The following SMURF2 variants were observed in gnomAD, a reference collection of about 807,000 sequenced individuals.
The protein encoded by SMURF2 is E3 ubiquitin-protein ligase SMURF2.
SMURF2 carries 48 observed loss-of-function variants against 109.6 expected under a neutral mutation model. That is an observed-to-expected ratio of 0.44 (90% CI 0.35 to 0.56). The LOEUF (loss-of-function observed/expected upper bound fraction) is 0.56, where lower values mean the gene tolerates loss of function less well. Among genes scored for constraint, SMURF2 ranks in the 20% least tolerant of loss-of-function variants. The pLI, the probability that SMURF2 is intolerant of heterozygous loss-of-function variation, is 0.01. For missense variants in SMURF2, 575 were observed against 909.0 expected (o/e 0.63, Z 4.72); for synonymous variants, 288 against 317.1 (o/e 0.91, Z 0.97).
chr17:64,574,847 T>C (rs1234795988), intron 9 of SMURF2, among the ~76,000 whole-genome samples: 1 of 152,218 alleles, frequency 6.6e-6, no homozygotes, highest in Non-Finnish European at 1.5e-5. Flanking sequence ...TCTGTCTCAA[T>C]TTCAATTTCT....
intron 5 of SMURF2, among the ~76,000 whole-genome samples, chr17:64,588,442 T>G (rs1969699195): frequency 6.6e-6 from 1 of 152,058 alleles, no homozygotes. Flanking sequence ...ATCTATATAC[T>G]TCATCCTTTA....
At chr17:64,608,009 A>ATAAAT (rs1555689213) in intron 1 of SMURF2, among the ~76,000 whole-genome samples, 1 of 146,096 alleles carries the variant, frequency 6.8e-6, no homozygotes, top group Non-Finnish European at 1.5e-5. Context: ...AAATAAATAA[A>ATAAAT]TAAATAAATA....
At chr17:64,629,835 A>T (rs1305981069) in intron 1 of SMURF2, among the ~76,000 whole-genome samples, 1 of 152,242 alleles carries the variant, frequency 6.6e-6, no homozygotes, top group African/African-American at 2.4e-5. Context: ...TAAACAACTC[A>T]TTCAAAGTCT....
intron 16 of SMURF2, among the ~76,000 whole-genome samples, chr17:64,548,584 C>T (rs750090692): frequency 6.6e-6 from 1 of 152,012 alleles, no homozygotes; most frequent in African/African-American, 2.4e-5. Flanking sequence ...GATGAGATTC[C>T]GCCATGTTGG....
intron 10 of SMURF2, among the ~76,000 whole-genome samples, chr17:64,566,567 T>TTTTTG (rs1969309950): frequency 1.3e-5 from 1 of 76,876 alleles, no homozygotes; most frequent in Non-Finnish European, 2.9e-5. Flanking sequence ...TCTGGTTTTT[T>TTTTTG]TTTTTTTTTT....
intron 9 of SMURF2, among the ~76,000 whole-genome samples, chr17:64,574,094 T>C (rs1403195383): frequency 6.6e-6 from 1 of 151,556 alleles, no homozygotes; most frequent in African/African-American, 2.4e-5. Flanking sequence ...AGTTTACCTA[T>C]AACAAACCTG....
chr17:64,562,673 C>T (rs1393824213), intron 11 of SMURF2, 98 bp downstream of exon 11: 38 of 1,246,500 alleles, frequency 3.0e-5, no homozygotes, highest in African/African-American at 1.1e-4. Context: ...CCACCGCACC[C>T]GGCCAATTTC....
chr17:64,615,612 C>T (rs782368969), intron 1 of SMURF2, among the ~76,000 whole-genome samples: 11 of 152,156 alleles, frequency 7.2e-5, no homozygotes, highest in Non-Finnish European at 1.5e-4. Flanking sequence ...AACTTCTACA[C>T]AATTTTTTAT....
intron 1 of SMURF2, among the ~76,000 whole-genome samples, chr17:64,632,211 G>A (rs1039021937): frequency 1.3e-5 from 2 of 151,936 alleles, no homozygotes; most frequent in Admixed American, 6.6e-5. Flanking sequence ...TGCCCACCTC[G>A]ACCTCCCAAA....
chr17:64,555,643 TAAGG>T (rs1969108168), intron 14 of SMURF2, among the ~76,000 whole-genome samples, 173 bp downstream of exon 14: 1 of 152,204 alleles, frequency 6.6e-6, no homozygotes, highest in African/African-American at 2.4e-5. Flanking sequence ...TTGCTAAGTT[TAAGG>T]AATTTGAAAT....
At chr17:64,635,709 T>C (rs899109227) in intron 1 of SMURF2, among the ~76,000 whole-genome samples, 13 of 152,236 alleles carry the variant, frequency 8.5e-5, no homozygotes, top group African/African-American at 3.1e-4. Flanking sequence ...ATGCCATATT[T>C]TGTTTATCCA....
At chr17:64,576,160 G>A (rs1555686039) in intron 9 of SMURF2, among the ~76,000 whole-genome samples, 2 of 151,976 alleles carry the variant, frequency 1.3e-5, no homozygotes, top group Non-Finnish European at 2.9e-5. Context: ...AGCCAGGACT[G>A]CACTGCTGCT....
chr17:64,586,129 C>T lies in SMURF2; in HGVS notation c.442G>A (p.Val148Ile). Residue 148 changes from valine (V) to isoleucine (I), a missense_variant, in exon 6 of 19, where the codon GTT becomes ATT. Around this residue, in one of 5 missense-constraint regions of SMURF2, gnomAD observed 151 missense variants for 178.4 expected, o/e 0.85. Transcript: ENST00000262435. ...SRDRIGTGGQ[V>I]VDCSRLFDND... ...TCAAATAAACGACTGCAGTCCACAA[C>T]TTGTCCTCCTGTGCCTATTCGGTCT... 6.2e-7 allele frequency: 1 copy of T among 1,610,782 alleles called. No individual in the cohort carries two copies. Among genetic ancestry groups the T allele is most frequent in the Non-Finnish European group, 8.5e-7 (1 of 1,178,944 alleles).
chr17:64,622,776 T>C (rs1173639244), intron 1 of SMURF2, among the ~76,000 whole-genome samples: 2 of 152,204 alleles, frequency 1.3e-5, no homozygotes. Context: ...TCCCCCTTTC[T>C]ATACTGTACT....
At position 64,606,630 on chromosome 17, in the gene SMURF2, T is replaced by C. The variant is rs1555689077; in HGVS notation, c.63A>G (p.Ala21=). The C allele has an allele frequency of 1.3e-6, 2 of 1,549,382 alleles. No individual in the cohort carries two copies. The highest frequency in any genetic ancestry group is 2.3e-5 in the East Asian group (1 of 44,138). ...PVKLRLTVLC[A]KNLVKKDFFR... ...AAAAATCCTTTTTCACCAGGTTTTTTGCACAGAGTACTGTAAAAAAAAAAA... is the reference window on the plus strand; with the variant it reads ...AAAAATCCTTTTTCACCAGGTTTTTCGCACAGAGTACTGTAAAAAAAAAAA... Residue 21 remains alanine (A), a synonymous_variant, in exon 2 of 19, where the codon GCA becomes GCG. Transcript: ENST00000262435.
intron 5 of SMURF2, among the ~76,000 whole-genome samples, chr17:64,587,623 G>A (rs1270380613): frequency 1.3e-5 from 2 of 152,094 alleles, no homozygotes; most frequent in Non-Finnish European, 2.9e-5. Flanking sequence ...ATTCAAAGAA[G>A]GGTCTCAAAA....
chr17:64,556,346 A>G (rs1969119930), intron 13 of SMURF2, among the ~76,000 whole-genome samples: 1 of 152,124 alleles, frequency 6.6e-6, no homozygotes. Flanking sequence ...TCATGAAAAA[A>G]AATCTTTCAA....
At chr17:64,649,078 C>T (rs74788723) in intron 1 of SMURF2, among the ~76,000 whole-genome samples, 7,648 of 152,226 alleles carry the variant, frequency 0.05, 320 homozygotes, top group Admixed American at 0.14. Flanking sequence ...AACAGAATTA[C>T]TAATGTTTGC....
At chr17:64,599,728 T>C (rs191051553) in intron 2 of SMURF2, among the ~76,000 whole-genome samples, 301 of 152,282 alleles carry the variant, frequency 2.0e-3, no homozygotes, top group Middle Eastern at 3.4e-3. Flanking sequence ...AACAGTTTCA[T>C]CCCAACACAT....
Sources: gnomAD v4.1 joint callset for allele counts (sites outside exome capture counted in the v4.1 genomes callset) on GRCh38, gnomAD v4.1.1 for gene constraint, gnomAD v4.1.1 regional missense constraint, MANE v1.5 for transcripts, NCBI Gene and HGNC (gene_info 2026-07-23, HGNC 2026-07-21) for gene names.